Variants in SERPINI1 observed in about 807,000 individuals in gnomAD.
The protein encoded by SERPINI1 is serpin family I member 1.
A neutral mutation model predicts 41.1 loss-of-function variants in SERPINI1; 19 were observed. The ratio of observed to expected loss-of-function variants is 0.46; its 90% CI spans 0.32 to 0.68. The LOEUF is 0.68. SERPINI1 is among the 30% of genes least tolerant of loss of function. The probability of loss-of-function intolerance (pLI) is 0.03; values close to 1 mark genes in which losing one functional copy is unlikely to be tolerated. For synonymous variants in SERPINI1, 138 were observed against 156.6 expected (o/e 0.88, Z 0.89); for missense variants, 460 against 479.2 (o/e 0.96, Z 0.37).
At chr3:167,803,918 A>G (rs1261551475) in intron 5 of SERPINI1, among the ~76,000 whole-genome samples, 1 of 152,168 alleles carries the variant, frequency 6.6e-6, no homozygotes, top group Non-Finnish European at 1.5e-5. Flanking sequence ...GGTTGTGGTG[A>G]TATTTAAATT....
chr3:167,806,543 C>T (rs1711651399), intron 5 of SERPINI1, among the ~76,000 whole-genome samples: 1 of 151,934 alleles, frequency 6.6e-6, no homozygotes, highest in Non-Finnish European at 1.5e-5. Flanking sequence ...TAATGTTTAA[C>T]TCACTCTCCA....
intron 1 of SERPINI1, among the ~76,000 whole-genome samples, chr3:167,745,650 A>G (rs1033906829): frequency 6.6e-6 from 1 of 152,176 alleles, no homozygotes; most frequent in South Asian, 2.1e-4. Flanking sequence ...TTGGTCTTGT[A>G]TATAGAAAAT....
Position 167,793,915 on chromosome 3 carries a change from T to C in SERPINI1, c.677-705T>C, listed in dbSNP as rs1450150788. On this transcript the variant is annotated intron_variant, in intron 4 of 8. Transcript: ENST00000446050. ...AGAGCACAAAGCCAATTGCCTCATTTACCTAATTACCTAATTTGGAGATAT... is the reference window on the plus strand; with the variant it reads ...AGAGCACAAAGCCAATTGCCTCATTCACCTAATTACCTAATTTGGAGATAT... Among the ~76,000 whole-genome samples, 3 of 151,094 alleles carry C rather than the reference T, an allele frequency of 2.0e-5. No homozygotes were observed. The East Asian group carries it at 5.8e-4, about 29-fold the overall frequency.
At chr3:167,764,178 C>T (rs751510900) in intron 1 of SERPINI1, among the ~76,000 whole-genome samples, 1 of 152,086 alleles carries the variant, frequency 6.6e-6, no homozygotes, top group Non-Finnish European at 1.5e-5. Flanking sequence ...CTTCCTGCCA[C>T]AGGCACTGAG....
At chr3:167,785,680 C>A (rs1285635221) in intron 1 of SERPINI1, among the ~76,000 whole-genome samples, 4 of 152,146 alleles carry the variant, frequency 2.6e-5, no homozygotes, top group African/African-American at 7.2e-5. Context: ...TTATTATTAT[C>A]ATCTCATGGT....
intron 4 of SERPINI1, among the ~76,000 whole-genome samples, chr3:167,794,365 T>C (rs947615533): frequency 6.6e-6 from 1 of 152,178 alleles, no homozygotes; most frequent in African/African-American, 2.4e-5. Flanking sequence ...TTATATTCTA[T>C]ATACTATTTG....
At chr3:167,748,441 A>G (rs1475027414) in intron 1 of SERPINI1, among the ~76,000 whole-genome samples, 1 of 152,242 alleles carries the variant, frequency 6.6e-6, no homozygotes, top group Non-Finnish European at 1.5e-5. Context: ...AATAGCCATG[A>G]GCCTATTTAT....
intron 1 of SERPINI1, among the ~76,000 whole-genome samples, chr3:167,760,561 TTGTGTGTGTGTG>T (rs57003321): frequency 0.043 from 6,075 of 140,674 alleles, 448 homozygotes; most frequent in African/African-American, 0.15. Context: ...TGGCTCCAAA[TTGTGTGTGTGTG>T]TGTGTGTGTG....
chr3:167,747,837 A>C (rs1345084276), intron 1 of SERPINI1, among the ~76,000 whole-genome samples: 4 of 152,180 alleles, frequency 2.6e-5, no homozygotes, highest in African/African-American at 9.6e-5. Context: ...AGAATAAAAA[A>C]TTCATTCTAC....
intron 7 of SERPINI1, among the ~76,000 whole-genome samples, chr3:167,823,409 C>T (rs1712406937): frequency 6.6e-6 from 1 of 152,124 alleles, no homozygotes; most frequent in Non-Finnish European, 1.5e-5. Context: ...TTTCTTCCTA[C>T]CAAATTATTT....
intron 4 of SERPINI1, among the ~76,000 whole-genome samples, chr3:167,793,610 A>C (rs1727606367): frequency 8.6e-6 from 1 of 116,660 alleles, no homozygotes; most frequent in Non-Finnish European, 1.8e-5. Flanking sequence ...TTAATTAGCT[A>C]GGCATAATGG....
intron 6 of SERPINI1, among the ~76,000 whole-genome samples, chr3:167,814,508 G>T (rs185560617): frequency 6.6e-6 from 1 of 152,100 alleles, no homozygotes; most frequent in Non-Finnish European, 1.5e-5. Flanking sequence ...TAATACTCTC[G>T]TCATTTTGTT....
At chr3:167,774,606 C>G (rs2108548022) in intron 1 of SERPINI1, among the ~76,000 whole-genome samples, 1 of 152,282 alleles carries the variant, frequency 6.6e-6, no homozygotes, top group East Asian at 1.9e-4. Context: ...GCGAGAATTA[C>G]CAACCCGAGC....
chr3:167,823,483 G>T (rs1577438436), intron 7 of SERPINI1, among the ~76,000 whole-genome samples: 1 of 151,958 alleles, frequency 6.6e-6, no homozygotes, highest in East Asian at 1.9e-4. Flanking sequence ...TGGTTACATG[G>T]CAAATGTATA....
chr3:167,738,346 G>C (rs1725553646), intron 1 of SERPINI1, among the ~76,000 whole-genome samples: 2 of 152,050 alleles, frequency 1.3e-5, no homozygotes, highest in Non-Finnish European at 1.5e-5. Context: ...CTTTTCTTTA[G>C]AGTTCTGATT....
chr3:167,770,164 A>G (rs1272246260), intron 1 of SERPINI1, among the ~76,000 whole-genome samples: 1 of 151,816 alleles, frequency 6.6e-6, no homozygotes, highest in Non-Finnish European at 1.5e-5. Flanking sequence ...GATATGTACA[A>G]ATATATGTAT....
chr3:167,810,733 G>A lies in SERPINI1; in HGVS notation c.979+3392G>A, dbSNP rs148287114. On this transcript the variant is annotated intron_variant, in intron 6 of 8. Coordinates refer to ENST00000446050, the MANE Select transcript of SERPINI1 (RefSeq NM_001122752.2). ...CAACAATGAAGTTTGCTGCATCCAT[G>A]TACTCTTCTTTCCATGAACAATTTC... Among the ~76,000 whole-genome samples, 11 of 152,250 alleles carry A rather than the reference G, an allele frequency of 7.2e-5. No individual in the cohort carries two copies. In the East Asian group the frequency reaches 2.1e-3, roughly 29 times the overall value.
chr3:167,757,113 TA>T (rs1726216436), intron 1 of SERPINI1, among the ~76,000 whole-genome samples: 1 of 152,202 alleles, frequency 6.6e-6, no homozygotes, highest in African/African-American at 2.4e-5. Flanking sequence ...TCAAGTTAGT[TA>T]ATCACAGTAT....
intron 1 of SERPINI1, among the ~76,000 whole-genome samples, chr3:167,782,830 C>T (rs1727181035): frequency 1.3e-5 from 2 of 152,026 alleles, no homozygotes; most frequent in East Asian, 1.9e-4. Flanking sequence ...GGAACTTGGG[C>T]TAGGTTCGTT....
Sources: gnomAD v4.1 joint callset for allele counts (sites outside exome capture counted in the v4.1 genomes callset) on GRCh38, gnomAD v4.1.1 for gene constraint, MANE v1.5 for transcripts, NCBI Gene and HGNC (gene_info 2026-07-23, HGNC 2026-07-21) for gene names.